The following PPP3CA variants were observed in gnomAD, a reference collection of about 807,000 sequenced individuals.
The protein encoded by PPP3CA is CAM-PRP catalytic subunit.
Under a neutral mutation model 66.5 loss-of-function variants are expected in PPP3CA, and 14 were observed. The observed-to-expected ratio is 0.21, with a 90% CI of 0.14 to 0.33. The LOEUF is 0.33. PPP3CA is among the 10% of genes least tolerant of loss of function. The pLI, the probability that PPP3CA is intolerant of heterozygous loss-of-function variation, is 1.00. For missense variants in PPP3CA, 317 were observed against 639.5 expected (o/e 0.50, Z 5.44); for synonymous variants, 232 against 226.2 (o/e 1.03, Z -0.23).
chr4:101,239,203 C>A (rs1726222810), intron 1 of PPP3CA, among the ~76,000 whole-genome samples: 2 of 152,024 alleles, frequency 1.3e-5, no homozygotes, highest in Non-Finnish European at 2.9e-5. Flanking sequence ...AACATCTCAC[C>A]CTTCTCAGAA....
chr4:101,316,485 G>A lies in PPP3CA; in HGVS notation c.58+30254C>T, dbSNP rs540173467. Among the ~76,000 whole-genome samples the A allele has an allele frequency of 7.9e-5, 12 of 152,214 alleles. No homozygotes were observed. The South Asian group carries it at 2.5e-3, about 32-fold the overall frequency. On this transcript the variant is annotated intron_variant, in intron 1 of 13. Coordinates refer to ENST00000394854, the MANE Select transcript of PPP3CA (RefSeq NM_000944.5). ...TACTGTTTCTGTCAGACAAACTCGG[G>A]TGGGATTTGTTTTATAAATACTAAT... is the stretch of plus-strand genomic sequence containing the variant.
chr4:101,220,861 T>A (rs939281977), intron 1 of PPP3CA, among the ~76,000 whole-genome samples: 2 of 151,706 alleles, frequency 1.3e-5, no homozygotes, highest in African/African-American at 4.8e-5. Flanking sequence ...TAAGCCCAAA[T>A]GAGCACCTTT....
At chr4:101,310,496 A>T (rs1728688413) in intron 1 of PPP3CA, among the ~76,000 whole-genome samples, 1 of 152,188 alleles carries the variant, frequency 6.6e-6, no homozygotes, top group Non-Finnish European at 1.5e-5. Flanking sequence ...TCTGGGAAAC[A>T]TAGTGAGACC....
intron 8 of PPP3CA, among the ~76,000 whole-genome samples, chr4:101,072,585 G>C (rs574669491): frequency 7.7e-4 from 117 of 152,252 alleles, no homozygotes; most frequent in Non-Finnish European, 1.3e-3. Context: ...TAAACTCTGA[G>C]CAGTGTCTGG....
At chr4:101,037,583 G>T (rs6824097) in intron 11 of PPP3CA, among the ~76,000 whole-genome samples, 9,786 of 146,238 alleles carry the variant, frequency 0.067, 349 homozygotes, top group African/African-American at 0.095. Flanking sequence ...TTCCTAAATG[G>T]TTTTTTTTTT....
chr4:101,047,488 A>G (rs1204929695), intron 10 of PPP3CA, among the ~76,000 whole-genome samples: 1 of 152,196 alleles, frequency 6.6e-6, no homozygotes, highest in East Asian at 1.9e-4. Context: ...TCCCACTATC[A>G]TTCACTTAGA....
rs113045922 is a variant in PPP3CA, at chr4:101,200,731, C to T, written c.59-4615G>A. 3.5e-3 allele frequency among the ~76,000 whole-genome samples: 539 copies of T among 152,286 alleles called. 5 individuals carry two copies. Among genetic ancestry groups the T allele is most frequent in the African/African-American group, 0.012 (515 of 41,566 alleles). Reference sequence around the variant, plus strand: ...AAGGAGTGCTTACACAATCCTGGTGCTTTCTGGAGCAAAACTAGAAAACTC... The same window carrying T: ...AAGGAGTGCTTACACAATCCTGGTGTTTTCTGGAGCAAAACTAGAAAACTC... On this transcript the variant is annotated intron_variant, in intron 1 of 13. Transcript: ENST00000394854.
chr4:101,309,767 A>G (rs890827228), intron 1 of PPP3CA, among the ~76,000 whole-genome samples: 1 of 152,212 alleles, frequency 6.6e-6, no homozygotes, highest in Non-Finnish European at 1.5e-5. Context: ...AGAATTAACC[A>G]AGAGAGACAC....
At chr4:101,239,519 A>G (rs1339562351) in intron 1 of PPP3CA, among the ~76,000 whole-genome samples, 1 of 152,116 alleles carries the variant, frequency 6.6e-6, no homozygotes, top group Non-Finnish European at 1.5e-5. Context: ...TAGGAAATTT[A>G]GTTATCACAA....
At chr4:101,243,513 G>T (rs1012625910) in intron 1 of PPP3CA, among the ~76,000 whole-genome samples, 6 of 151,962 alleles carry the variant, frequency 3.9e-5, no homozygotes, top group African/African-American at 1.5e-4. Context: ...AACATATATA[G>T]CCTTTTTTCC....
chr4:101,251,053 G>A (rs1487279837), intron 1 of PPP3CA, among the ~76,000 whole-genome samples: 1 of 151,838 alleles, frequency 6.6e-6, no homozygotes, highest in Admixed American at 6.6e-5. Flanking sequence ...ACTTCCACTT[G>A]ACACAAAGAA....
intron 11 of PPP3CA, among the ~76,000 whole-genome samples, chr4:101,038,306 G>C (rs1235425578): frequency 2.0e-5 from 3 of 151,780 alleles, no homozygotes; most frequent in Non-Finnish European, 4.4e-5. Flanking sequence ...GAAACACAAG[G>C]TTCCTTCCTG....
intron 2 of PPP3CA, among the ~76,000 whole-genome samples, chr4:101,120,442 G>A (rs984139199): frequency 4.6e-5 from 7 of 152,062 alleles, no homozygotes; most frequent in South Asian, 2.1e-4. Flanking sequence ...AAACTCCTAC[G>A]GGTTTAGGCC....
chr4:101,131,672 C>T (rs1333829814), intron 2 of PPP3CA, among the ~76,000 whole-genome samples: 1 of 151,900 alleles, frequency 6.6e-6, no homozygotes, highest in African/African-American at 2.4e-5. Context: ...TAACACCCCA[C>T]TGTCAATATG....
chr4:101,309,585 T>C (rs746826831), intron 1 of PPP3CA, among the ~76,000 whole-genome samples: 2 of 152,180 alleles, frequency 1.3e-5, no homozygotes, highest in African/African-American at 2.4e-5. Context: ...ATTGGAACAC[T>C]ATAAAGAAAG....
chr4:101,326,904 G>T (rs575542948), intron 1 of PPP3CA, among the ~76,000 whole-genome samples: 1 of 152,280 alleles, frequency 6.6e-6, no homozygotes, highest in East Asian at 1.9e-4. Flanking sequence ...CCCTTCTGGG[G>T]CTAGCTCTTC....
chr4:101,162,374 T>C (rs1316982140), intron 2 of PPP3CA, among the ~76,000 whole-genome samples: 1 of 151,628 alleles, frequency 6.6e-6, no homozygotes, highest in Non-Finnish European at 1.5e-5. Flanking sequence ...CTACTAAAAA[T>C]ACAAAAATTA....
intron 8 of PPP3CA, among the ~76,000 whole-genome samples, chr4:101,079,079 AT>A (rs1371130883): frequency 6.6e-6 from 1 of 152,184 alleles, no homozygotes; most frequent in Non-Finnish European, 1.5e-5. Flanking sequence ...AGCAAACACC[AT>A]CCAGCAGATG....
intron 3 of PPP3CA, among the ~76,000 whole-genome samples, chr4:101,101,602 T>C (rs1307124220): frequency 2.6e-5 from 4 of 152,164 alleles, no homozygotes; most frequent in Admixed American, 2.6e-4. Flanking sequence ...AGAGAATACA[T>C]GTTCTGAAGG....
Sources: allele counts gnomAD v4.1 joint callset (sites outside exome capture counted in the v4.1 genomes callset), GRCh38; gene constraint gnomAD v4.1.1; transcripts MANE v1.5; gene names NCBI Gene and HGNC (gene_info 2026-07-23, HGNC 2026-07-21).